GRM7: variants seen among roughly 807,000 people sequenced by gnomAD.
The protein encoded by GRM7 is glutamate metabotropic receptor 7, also known as metabotropic glutamate receptor 7.
In GRM7, 35 loss-of-function variants were observed where a neutral mutation model predicts 84.5. The ratio of observed to expected loss-of-function variants is 0.41; its 90% CI spans 0.32 to 0.55. The LOEUF (loss-of-function observed/expected upper bound fraction) is 0.55. GRM7 is among the 20% of genes least tolerant of loss of function. The pLI is 0.19. For missense variants in GRM7, 1,003 were observed against 1,194.6 expected, an observed-to-expected ratio of 0.84 and a Z score of 2.36; for synonymous variants, 487 against 455.1, an observed-to-expected ratio of 1.07 and a Z score of -0.89.
intron 4 of GRM7, among the ~76,000 whole-genome samples, chr3:7,309,627 G>T (rs539119189): frequency 1.3e-5 from 2 of 152,096 alleles, no homozygotes; most frequent in African/African-American, 2.4e-5. Context: ...GCATTTTTCT[G>T]AGTATGCATT....
At chr3:6,954,804 A>G (rs1692956953) in intron 1 of GRM7, among the ~76,000 whole-genome samples, 1 of 152,248 alleles carries the variant, frequency 6.6e-6, no homozygotes, top group Non-Finnish European at 1.5e-5. Flanking sequence ...GATGGTGTAT[A>G]GTAAGTGCCT....
chr3:7,667,267 G>A (rs1393527035), intron 8 of GRM7, among the ~76,000 whole-genome samples: 1 of 74,638 alleles, frequency 1.3e-5, no homozygotes. Context: ...GACCCTGTCT[G>A]TTAAAAAAAA....
intron 1 of GRM7, among the ~76,000 whole-genome samples, chr3:6,888,336 G>A (rs567258259): frequency 7.7e-4 from 117 of 152,264 alleles, no homozygotes; most frequent in African/African-American, 2.7e-3. Flanking sequence ...TAATGCTTAG[G>A]TTTTCTTCTA....
chr3:6,981,938 T>G (rs1694222613), intron 1 of GRM7, among the ~76,000 whole-genome samples: 1 of 152,160 alleles, frequency 6.6e-6, no homozygotes, highest in South Asian at 2.1e-4. Context: ...AGCAGTCTCT[T>G]TACTGGGTAT....
chr3:7,504,966 C>T (rs1261788923), intron 7 of GRM7, among the ~76,000 whole-genome samples: 1 of 152,120 alleles, frequency 6.6e-6, no homozygotes, highest in Non-Finnish European at 1.5e-5. Flanking sequence ...TATGATTCAT[C>T]CCATGGCAAA....
At chr3:7,387,969 C>T (rs1478292137) in intron 4 of GRM7, among the ~76,000 whole-genome samples, 1 of 151,994 alleles carries the variant, frequency 6.6e-6, no homozygotes, top group African/African-American at 2.4e-5. Flanking sequence ...TTTCCTTAAG[C>T]AGTGTTTTAT....
At chr3:7,013,145 A>AT (rs35012621) in intron 1 of GRM7, among the ~76,000 whole-genome samples, 12 of 150,406 alleles carry the variant, frequency 8.0e-5, no homozygotes, top group Admixed American at 1.3e-4. Context: ...AAAAAAAAAA[A>AT]GTTCAGAAAC....
rs147851322 is a variant in GRM7, at chr3:7,471,662, C to T, written c.1515+9940C>T. Reference sequence around the variant, plus strand: ...GTCCACCTAGATAATTCAAGATAATCTCTCTACTTTGAGGTAGGTAACCGT... The same window carrying T: ...GTCCACCTAGATAATTCAAGATAATTTCTCTACTTTGAGGTAGGTAACCGT... On this transcript the variant is annotated intron_variant, in intron 7 of 9. Coordinates refer to ENST00000357716, the MANE Select transcript of GRM7 (RefSeq NM_000844.4). Among the ~76,000 whole-genome samples the T allele has an allele frequency of 9.1e-3, 1,390 of 152,270 alleles. 12 individuals are homozygous for T. The highest frequency in any genetic ancestry group is 0.017 in the Middle Eastern group (5 of 294).
At position 6,984,484 on chromosome 3, in the gene GRM7, A is replaced by G. The variant is rs528560847; in HGVS notation, c.519+122577A>G. 5.3e-4 allele frequency among the ~76,000 whole-genome samples: 80 copies of G among 152,274 alleles called. No individual in the cohort carries two copies. In the South Asian group the frequency reaches 0.017, roughly 32 times the overall value. On this transcript the variant is annotated intron_variant, in intron 1 of 9. Transcript: ENST00000357716. ...TCAATGGTTACTGGATTTATGTGTT[A>G]TCTATTTTTTTTCAAGAATTATTCT...
intron 2 of GRM7, among the ~76,000 whole-genome samples, chr3:7,153,218 C>A (rs556904122): frequency 1.4e-5 from 2 of 145,410 alleles, no homozygotes; most frequent in African/African-American, 5.1e-5. Context: ...GTTTCCCTGG[C>A]CTTCAGAGGG....
At chr3:7,266,893 A>T (rs1303564441) in intron 2 of GRM7, among the ~76,000 whole-genome samples, 1 of 152,192 alleles carries the variant, frequency 6.6e-6, no homozygotes, top group African/African-American at 2.4e-5. Context: ...TGTAACTTTA[A>T]CTTATTTCAC....
At chr3:7,605,296 G>A (rs1460911784) in intron 8 of GRM7, among the ~76,000 whole-genome samples, 2 of 152,154 alleles carry the variant, frequency 1.3e-5, no homozygotes, top group African/African-American at 4.8e-5. Context: ...ATTTGCAAAT[G>A]TGAAAGATCT....
At chr3:7,092,947 G>T (rs1698722246) in intron 1 of GRM7, among the ~76,000 whole-genome samples, 2 of 152,140 alleles carry the variant, frequency 1.3e-5, no homozygotes, top group Non-Finnish European at 2.9e-5. Context: ...GCCAGGTGTG[G>T]TGGTGTGCAC....
At chr3:6,926,666 A>T (rs551839855) in intron 1 of GRM7, among the ~76,000 whole-genome samples, 56 of 151,384 alleles carry the variant, frequency 3.7e-4, no homozygotes, top group African/African-American at 1.3e-3. Context: ...CAGCTTAGCC[A>T]TTAGCTTGGC....
At chr3:6,872,344 A>T (rs115721556) in intron 1 of GRM7, among the ~76,000 whole-genome samples, 2,355 of 152,214 alleles carry the variant, frequency 0.015, 73 homozygotes, top group African/African-American at 0.054. Flanking sequence ...CCAAGCTTGC[A>T]TGCTCCATTT....
intron 4 of GRM7, among the ~76,000 whole-genome samples, chr3:7,330,389 A>C (rs1255611324): frequency 6.6e-6 from 1 of 152,118 alleles, no homozygotes; most frequent in East Asian, 1.9e-4. Context: ...CTCAAGTCTT[A>C]GCCCTCTTCT....
At chr3:7,495,139 A>T (rs1332165651) in intron 7 of GRM7, among the ~76,000 whole-genome samples, 1 of 152,156 alleles carries the variant, frequency 6.6e-6, no homozygotes, top group Non-Finnish European at 1.5e-5. Flanking sequence ...GTGGACTGCC[A>T]TTCCAATGGC....
At chr3:7,731,866 G>A (rs922542194) in intron 9 of GRM7, among the ~76,000 whole-genome samples, 20 of 152,168 alleles carry the variant, frequency 1.3e-4, no homozygotes, top group Non-Finnish European at 2.9e-4. Context: ...TCCTCAGGAA[G>A]ACAGCTTTGG....
chr3:7,345,656 A>T (rs1433357907), intron 4 of GRM7, among the ~76,000 whole-genome samples: 1 of 152,036 alleles, frequency 6.6e-6, no homozygotes, highest in Non-Finnish European at 1.5e-5. Context: ...ACATATAATA[A>T]ATACATATTT....
Sources: allele counts gnomAD v4.1 joint callset (sites outside exome capture counted in the v4.1 genomes callset), GRCh38; gene constraint gnomAD v4.1.1; transcripts MANE v1.5; gene names NCBI Gene and HGNC (gene_info 2026-07-23, HGNC 2026-07-21).